Variants in ANO2 observed in about 807,000 individuals in gnomAD.
The protein encoded by ANO2 is anoctamin 2.
In ANO2, 101 loss-of-function variants were observed where a neutral mutation model predicts 124.2. The ratio of observed to expected loss-of-function variants is 0.81; its 90% CI spans 0.69 to 0.96. The LOEUF (loss-of-function observed/expected upper bound fraction) is 0.96. ANO2 is among the 40% of genes least tolerant of loss of function. The probability of loss-of-function intolerance (pLI) is 0.00; values close to 1 mark genes in which losing one functional copy is unlikely to be tolerated. For missense variants in ANO2, 1,293 were observed against 1,274.5 expected (o/e 1.01, Z -0.22); for synonymous variants, 486 against 482.5 (o/e 1.01, Z -0.09).
intron 4 of ANO2, among the ~76,000 whole-genome samples, chr12:5,851,603 T>C (rs1954909588): frequency 6.7e-6 from 1 of 150,144 alleles, no homozygotes; most frequent in African/African-American, 2.5e-5. Context: ...GAGAATTGCT[T>C]GAACCTGGGG....
At chr12:5,759,157 A>G (rs1342863648) in intron 10 of ANO2, among the ~76,000 whole-genome samples, 2 of 151,186 alleles carry the variant, frequency 1.3e-5, no homozygotes, top group African/African-American at 4.9e-5. Context: ...AGTTACAAAA[A>G]AAAAAAAAAC....
At chr12:5,585,243 CA>C (rs947587054) in intron 20 of ANO2, among the ~76,000 whole-genome samples, 10 of 152,066 alleles carry the variant, frequency 6.6e-5, no homozygotes, top group African/African-American at 1.4e-4. Flanking sequence ...TCCAAATTCA[CA>C]AAAAACTACT....
intron 4 of ANO2, among the ~76,000 whole-genome samples, chr12:5,851,412 G>C (rs779235378): frequency 2.0e-5 from 3 of 152,192 alleles, no homozygotes; most frequent in African/African-American, 7.2e-5. Flanking sequence ...GTCTGGCTGG[G>C]TGTGGTGGCT....
intron 15 of ANO2, among the ~76,000 whole-genome samples, chr12:5,640,777 G>T (rs555161682): frequency 1.2e-4 from 18 of 152,308 alleles, no homozygotes; most frequent in Admixed American, 1.0e-3. Flanking sequence ...CTGTTGGTGG[G>T]AGCGTGAACT....
chr12:5,918,445 T>A (rs928380303), intron 3 of ANO2, among the ~76,000 whole-genome samples: 17 of 150,610 alleles, frequency 1.1e-4, no homozygotes, highest in Non-Finnish European at 2.2e-4. Context: ...AATCTTTTTT[T>A]TTTTTTTTTT....
chr12:5,748,229 G>C (rs17785961), intron 11 of ANO2, among the ~76,000 whole-genome samples: 16,473 of 152,222 alleles, frequency 0.11, 970 homozygotes, highest in African/African-American at 0.15. Context: ...TACCATGTGG[G>C]GACCCGGGGC....
chr12:5,832,362 T>G (rs1954178708), intron 5 of ANO2, 90 bp downstream of exon 5: 2 of 1,467,466 alleles, frequency 1.4e-6, no homozygotes, highest in Non-Finnish European at 1.9e-6. Context: ...GGCACCCACT[T>G]TGGGAGCCCC....
At chr12:5,873,532 G>T (rs2137285167) in intron 3 of ANO2, among the ~76,000 whole-genome samples, 1 of 152,346 alleles carries the variant, frequency 6.6e-6, no homozygotes, top group African/African-American at 2.4e-5. Context: ...CAGCAGGCTA[G>T]AGGAAGCCAA....
chr12:5,571,422 T>G (rs1334786483), intron 23 of ANO2, among the ~76,000 whole-genome samples: 1 of 152,186 alleles, frequency 6.6e-6, no homozygotes, highest in African/African-American at 2.4e-5. Context: ...GTGCTAACTT[T>G]TATTGCTATT....
chr12:5,570,107 A>T (rs949823863), intron 23 of ANO2, among the ~76,000 whole-genome samples: 2 of 152,246 alleles, frequency 1.3e-5, no homozygotes, highest in Admixed American at 1.3e-4. Context: ...TTTAGCTTTA[A>T]AATTATGTTA....
At chr12:5,585,645 T>G (rs559002758) in intron 20 of ANO2, among the ~76,000 whole-genome samples, 3 of 152,218 alleles carry the variant, frequency 2.0e-5, no homozygotes, top group Non-Finnish European at 4.4e-5. Flanking sequence ...CTCACTCTTG[T>G]TTACGTTATC....
chr12:5,709,677 G>A (rs1047153300), intron 14 of ANO2, among the ~76,000 whole-genome samples: 4 of 152,126 alleles, frequency 2.6e-5, no homozygotes, highest in East Asian at 1.9e-4. Context: ...GTGTTCATTC[G>A]CAGTCTGGTC....
chr12:5,604,248 G>T (rs1327840276), intron 19 of ANO2, among the ~76,000 whole-genome samples: 1 of 152,170 alleles, frequency 6.6e-6, no homozygotes, highest in Non-Finnish European at 1.5e-5. Flanking sequence ...GGCTACGATA[G>T]AGAATACAAC....
chr12:5,797,772 G>T (rs980462103), intron 10 of ANO2, among the ~76,000 whole-genome samples: 1 of 152,168 alleles, frequency 6.6e-6, no homozygotes, highest in South Asian at 2.1e-4. Flanking sequence ...GGGACCGTGG[G>T]AGTGTTCCAG....
chr12:5,762,594 T>C (rs752366714), intron 10 of ANO2, among the ~76,000 whole-genome samples: 3 of 151,880 alleles, frequency 2.0e-5, no homozygotes, highest in Non-Finnish European at 4.4e-5. Flanking sequence ...AGAGATTACT[T>C]AAAGGTTGTT....
intron 14 of ANO2, among the ~76,000 whole-genome samples, chr12:5,659,223 C>G (rs1195955287): frequency 2.0e-5 from 3 of 152,208 alleles, no homozygotes; most frequent in Non-Finnish European, 4.4e-5. Flanking sequence ...TTAGGTCTCC[C>G]TCTTAAAATA....
intron 14 of ANO2, among the ~76,000 whole-genome samples, chr12:5,671,020 C>T (rs1317811947): frequency 6.6e-6 from 1 of 152,144 alleles, no homozygotes; most frequent in Non-Finnish European, 1.5e-5. Context: ...ACACTTCCCA[C>T]CTCCCTAGAT....
At chr12:5,848,645 G>T (rs531217244) in intron 4 of ANO2, among the ~76,000 whole-genome samples, 1 of 152,298 alleles carries the variant, frequency 6.6e-6, no homozygotes, top group South Asian at 2.1e-4. Flanking sequence ...CTCACAGGTG[G>T]AGCCGTCGTG....
chr12:5,671,660 A>C (rs1208796143), intron 14 of ANO2, among the ~76,000 whole-genome samples: 1 of 152,080 alleles, frequency 6.6e-6, no homozygotes, highest in Non-Finnish European at 1.5e-5. Context: ...ATTTGTTTGG[A>C]AGTTCAATCC....
Sources: allele counts gnomAD v4.1 joint callset (sites outside exome capture counted in the v4.1 genomes callset), GRCh38; gene constraint gnomAD v4.1.1; transcripts MANE v1.5; gene names NCBI Gene and HGNC (gene_info 2026-07-23, HGNC 2026-07-21).